ECHDC1: variants seen among roughly 807,000 people sequenced by gnomAD.
ECHDC1 encodes the protein ethylmalonyl-CoA decarboxylase.
Under a neutral mutation model 29.7 loss-of-function variants are expected in ECHDC1, and 29 were observed. That is an observed-to-expected ratio of 0.98 (90% CI 0.73 to 1.33). The LOEUF (loss-of-function observed/expected upper bound fraction) is 1.33. Ranked by LOEUF, ECHDC1 falls within the 40% of genes most tolerant of loss-of-function variation. The probability of loss-of-function intolerance (pLI) is 0.00; values close to 1 mark genes in which losing one functional copy is unlikely to be tolerated. For missense variants in ECHDC1, 328 were observed against 350.0 expected (o/e 0.94, Z 0.50); for synonymous variants, 126 against 123.1 (o/e 1.02, Z -0.15).
chr6:127,322,877 T>C (rs779844123), intron 3 of ECHDC1, among the ~76,000 whole-genome samples: 2 of 152,128 alleles, frequency 1.3e-5, no homozygotes, highest in Admixed American at 6.5e-5. Context: ...TTTAACAGTG[T>C]CTTTCATGAA....
At chr6:127,330,021 G>A (rs1256379972) in intron 2 of ECHDC1, 1 of 291,302 alleles carries the variant, frequency 3.4e-6, no homozygotes, top group Non-Finnish European at 6.8e-6. Context: ...GAGATTTTCT[G>A]AGCCTCAAAT....
At chr6:127,291,615 T>G (rs998351361) in intron 5 of ECHDC1, among the ~76,000 whole-genome samples, 3 of 152,186 alleles carry the variant, frequency 2.0e-5, no homozygotes, top group African/African-American at 7.2e-5. Context: ...GCGTTTTATT[T>G]TGACTGCATG....
rs768479816 is a variant in ECHDC1 at position 127,331,024 on chromosome 6, G to A, written c.5C>T (p.Ala2Val). M[A>V]KSLLKTASLS... ...AGAGGCTGTCTTCAAAAGACTTTTC[G>A]CCATTTCTGGAAAACAGAAATAAGT... Residue 2 changes from alanine (A) to valine (V), a missense_variant, in exon 2 of 6, where the codon GCG (alanine) becomes GTG (valine). Physicochemically the swap from Ala to Val is moderately conservative, Grantham distance 64. Coordinates refer to ENST00000454859, the MANE Select transcript of ECHDC1 (RefSeq NM_001002030.2). 1.6e-5 allele frequency: 25 copies of A among 1,611,766 alleles called. No homozygotes were observed. Among genetic ancestry groups the A allele is most frequent in the Middle Eastern group, 1.6e-4 (1 of 6,076 alleles).
At position 127,289,853 on chromosome 6, in the gene ECHDC1, C is replaced by T. The variant is rs1460657070; in HGVS notation, c.*16G>A. On this transcript the variant is annotated 3_prime_UTR_variant, in exon 6 of 6. Coordinates refer to ENST00000454859, the MANE Select transcript of ECHDC1 (RefSeq NM_001002030.2). ...CACTGGAGCTTTACTTGGAGTACAT[C>T]CACACGAAAAACCAATTATTTATTA... 3.1e-6 allele frequency: 5 copies of T among 1,594,478 alleles called. No homozygotes were observed. The highest frequency in any genetic ancestry group is 4.3e-6 in the Non-Finnish European group (5 of 1,171,182).
intron 1 of ECHDC1, among the ~76,000 whole-genome samples, chr6:127,339,747 A>G (rs1392308608): frequency 3.4e-5 from 5 of 148,416 alleles, no homozygotes; most frequent in Non-Finnish European, 7.4e-5. Context: ...CACTCCAGCC[A>G]TGGTGACAGA....
chr6:127,301,219 G>A (rs1468348560), intron 5 of ECHDC1, among the ~76,000 whole-genome samples: 3 of 152,168 alleles, frequency 2.0e-5, no homozygotes, highest in African/African-American at 7.2e-5. Context: ...GAGTGTTTCC[G>A]ACATACGTAT....
At chr6:127,336,989 T>C (rs901033308) in intron 1 of ECHDC1, among the ~76,000 whole-genome samples, 14 of 152,322 alleles carry the variant, frequency 9.2e-5, no homozygotes, top group Admixed American at 7.2e-4. Context: ...TCTGATTTTT[T>C]AATCTTGCCC....
Position 127,330,808 on chromosome 6 carries a change from C to T in ECHDC1, c.220+1G>A, listed in dbSNP as rs1340297163. ...TTTAGGAATAAAAAGATCCCTAATACCTGAAAAGGCATTCATTCTACTTGG... is the reference window on the plus strand; with the variant it reads ...TTTAGGAATAAAAAGATCCCTAATATCTGAAAAGGCATTCATTCTACTTGG... On this transcript the variant is annotated splice_donor_variant, in intron 2 of 5. Transcript: ENST00000454859. LOFTEE classifies it high-confidence loss of function. The T allele has an allele frequency of 2.5e-6, 4 of 1,611,346 alleles. No homozygotes were observed. The Admixed American group carries it at 6.7e-5, about 27-fold the overall frequency.
rs1275808588 is a variant in ECHDC1, at chr6:127,288,861, G to A, written c.*1008C>T. 6.6e-6 allele frequency: 1 copy of A among 152,004 alleles called. No individual in the cohort carries two copies. Among genetic ancestry groups the A allele is most frequent in the Admixed American group, 6.6e-5 (1 of 15,240 alleles). The allele number at this position is 152,004 out of a possible 1,614,324, so 9.4% of individuals were successfully genotyped here. On this transcript the variant is annotated 3_prime_UTR_variant, in exon 6 of 6. Transcript: ENST00000454859. The stretch of plus-strand genomic sequence containing the variant: ...TTTCCTAACTCAACAGTAGGATCAT[G>A]ATGGTAAGGCAAATGCAAGTTATTT...
chr6:127,321,931 A>AG, intron 3 of ECHDC1, among the ~76,000 whole-genome samples: 1 of 152,056 alleles, frequency 6.6e-6, no homozygotes, highest in Non-Finnish European at 1.5e-5. Flanking sequence ...TGAACCCAGG[A>AG]GGTGGAGGTC....
chr6:127,342,533 A>C, intron 1 of ECHDC1: 1 of 607,104 alleles, frequency 1.6e-6, no homozygotes, highest in Non-Finnish European at 2.8e-6. Context: ...TCACAAATAT[A>C]CTTCTCACCA....
chr6:127,336,007 G>C (rs1384100191), intron 1 of ECHDC1, among the ~76,000 whole-genome samples: 1 of 152,064 alleles, frequency 6.6e-6, no homozygotes, highest in African/African-American at 2.4e-5. Context: ...TAGAAAGCTA[G>C]AGGGAACAAT....
At chr6:127,319,355 T>A (rs1485121606) in intron 3 of ECHDC1, among the ~76,000 whole-genome samples, 1 of 152,182 alleles carries the variant, frequency 6.6e-6, no homozygotes, top group Non-Finnish European at 1.5e-5. Context: ...AATGATTAAG[T>A]TATGGCACAA....
At chr6:127,329,856 A>C (rs1418018417) in intron 2 of ECHDC1, 3 of 450,810 alleles carry the variant, frequency 6.7e-6, no homozygotes, top group Admixed American at 2.4e-5. Flanking sequence ...ATTGGTCAGC[A>C]CTGGTATAGA....
rs970412608 is a variant in ECHDC1 at position 127,315,444 on chromosome 6, G to A, written c.417-548C>T. 14 of 233,062 alleles carry A rather than the reference G, an allele frequency of 6.0e-5. No individual in the cohort carries two copies. In the South Asian group the frequency reaches 7.7e-4, roughly 13 times the overall value. 14.4% of individuals were successfully genotyped at this position (233,062 alleles called of 1,614,324 possible). A position where few individuals can be genotyped will look rare whatever the true frequency, so the allele number is the denominator to read the frequency against. ...ACAGACTAATCCTATATAAAGGCATGATTTTGCAGTAAAAATAAATCTTTT... is the reference window on the plus strand; with the variant it reads ...ACAGACTAATCCTATATAAAGGCATAATTTTGCAGTAAAAATAAATCTTTT... On this transcript the variant is annotated intron_variant, in intron 4 of 5. Coordinates refer to ENST00000454859, the MANE Select transcript of ECHDC1 (RefSeq NM_001002030.2).
chr6:127,331,743 G>T, intron 1 of ECHDC1: 2 of 777,766 alleles, frequency 2.6e-6, no homozygotes, highest in Non-Finnish European at 3.1e-6. Flanking sequence ...TAGTCCAAGT[G>T]TCCCCTTGGA....
Position 127,330,953 on chromosome 6 carries a change from A to G in ECHDC1, c.76T>C (p.Tyr26His). 1 of 1,614,126 alleles carries G rather than the reference A, an allele frequency of 6.2e-7. No homozygotes were observed. ...KLLHQTGLSL[Y>H]STSHGFYEEE... is the part of the protein sequence containing the mutation. ...TCATAAAATCCATGGGATGTACTAT[A>G]AAGTGACAATCCTGTTTGATGTAGC... is the stretch of plus-strand genomic sequence containing the variant. Residue 26 changes from tyrosine to histidine, a missense_variant, in exon 2 of 6, where the codon TAT becomes CAT. Transcript: ENST00000454859.
chr6:127,333,472 T>C (rs949254720), intron 1 of ECHDC1, among the ~76,000 whole-genome samples: 2 of 152,146 alleles, frequency 1.3e-5, no homozygotes, highest in African/African-American at 4.8e-5. Context: ...CATTTTAGCA[T>C]GTGTCTTTTG....
intron 5 of ECHDC1, among the ~76,000 whole-genome samples, chr6:127,296,861 C>A (rs1332266736): frequency 6.6e-6 from 1 of 151,850 alleles, no homozygotes; most frequent in Non-Finnish European, 1.5e-5. Context: ...ACAAATTAGC[C>A]AAGTGTGGTG....
Sources: gnomAD v4.1 joint callset for allele counts (sites outside exome capture counted in the v4.1 genomes callset) on GRCh38, gnomAD v4.1.1 for gene constraint, MANE v1.5 for transcripts, NCBI Gene and HGNC (gene_info 2026-07-23, HGNC 2026-07-21) for gene names.